Variants in MAP2 observed in about 807,000 individuals in gnomAD.
MAP2 encodes microtubule associated protein 2.
In MAP2, 14 loss-of-function variants were observed where a neutral mutation model predicts 137.6. That is an observed-to-expected ratio of 0.10 (90% CI 0.07 to 0.16). The LOEUF (loss-of-function observed/expected upper bound fraction) is 0.16. MAP2 is among the 10% of genes least tolerant of loss of function. The pLI is 1.00. For missense variants in MAP2, 2,088 were observed against 2,191.5 expected (o/e 0.95, Z 0.94); for synonymous variants, 786 against 782.3 (o/e 1.00, Z -0.08).
At chr2:209,622,160 A>T (rs1159873256) in intron 3 of MAP2, among the ~76,000 whole-genome samples, 1 of 152,220 alleles carries the variant, frequency 6.6e-6, no homozygotes, top group African/African-American at 2.4e-5. Context: ...TAATGGAATG[A>T]TATAATGGGA....
At chr2:209,605,445 T>A (rs1181802343) in intron 3 of MAP2, among the ~76,000 whole-genome samples, 1 of 152,126 alleles carries the variant, frequency 6.6e-6, no homozygotes, top group Admixed American at 6.6e-5. Context: ...TAAAGTTAGA[T>A]CTTATAAAAA....
At chr2:209,604,302 C>A (rs780819066) in intron 3 of MAP2, among the ~76,000 whole-genome samples, 7 of 152,164 alleles carry the variant, frequency 4.6e-5, no homozygotes, top group Non-Finnish European at 7.4e-5. Flanking sequence ...AAATCCTTGT[C>A]TTAATCTGCA....
At chr2:209,542,417 C>T (rs1185698113) in intron 2 of MAP2, among the ~76,000 whole-genome samples, 1 of 152,198 alleles carries the variant, frequency 6.6e-6, no homozygotes, top group Non-Finnish European at 1.5e-5. Context: ...TAAATGAGCG[C>T]TGACTTCAAT....
intron 3 of MAP2, among the ~76,000 whole-genome samples, chr2:209,608,936 C>G (rs2085771973): frequency 6.6e-6 from 1 of 152,028 alleles, no homozygotes; most frequent in Non-Finnish European, 1.5e-5. Context: ...CAAAGCTCAT[C>G]TTAAATACCA....
intron 3 of MAP2, among the ~76,000 whole-genome samples, chr2:209,605,603 T>TA (rs1367063116): frequency 1.3e-5 from 2 of 152,186 alleles, no homozygotes; most frequent in African/African-American, 4.8e-5. Context: ...CAACATCCTT[T>TA]ATGCCACCTT....
chr2:209,618,907 A>G (rs2090336831), intron 3 of MAP2, among the ~76,000 whole-genome samples: 2 of 152,342 alleles, frequency 1.3e-5, no homozygotes, highest in Non-Finnish European at 1.5e-5. Context: ...GAATGGATCA[A>G]TAAAATATGG....
At chr2:209,719,541 T>C (rs1304625274) in intron 13 of MAP2, among the ~76,000 whole-genome samples, 1 of 152,194 alleles carries the variant, frequency 6.6e-6, no homozygotes, top group African/African-American at 2.4e-5. Flanking sequence ...TCTGCAGGCA[T>C]ATCCTGCATT....
At chr2:209,729,826 A>G in intron 14 of MAP2, 24 bp from the exon 15 acceptor site, 1 of 1,495,820 alleles carries the variant, frequency 6.7e-7, no homozygotes, top group East Asian at 2.3e-5. Flanking sequence ...ATATAGTTAA[A>G]TCAAGGTATT....
intron 1 of MAP2, among the ~76,000 whole-genome samples, chr2:209,467,833 T>A (rs1704537896): frequency 6.6e-6 from 1 of 152,198 alleles, no homozygotes; most frequent in African/African-American, 2.4e-5. Flanking sequence ...CCTCAGTTTC[T>A]GCATTTTTAA....
intron 2 of MAP2, among the ~76,000 whole-genome samples, chr2:209,511,678 C>A (rs2150263788): frequency 6.6e-6 from 1 of 152,076 alleles, no homozygotes; most frequent in Middle Eastern, 3.4e-3. Flanking sequence ...TCAAGTTGTC[C>A]TCTCATCTCA....
At chr2:209,647,301 G>A (rs374698865) in intron 4 of MAP2, among the ~76,000 whole-genome samples, 8 of 152,094 alleles carry the variant, frequency 5.3e-5, no homozygotes, top group African/African-American at 1.9e-4. Context: ...CACAGATCCA[G>A]ACCATATCAC....
chr2:209,515,746 C>T (rs1034752218), intron 2 of MAP2, among the ~76,000 whole-genome samples: 5 of 151,952 alleles, frequency 3.3e-5, no homozygotes, highest in Non-Finnish European at 7.4e-5. Flanking sequence ...TTTTATGAAT[C>T]GAGAAACTTA....
intron 2 of MAP2, among the ~76,000 whole-genome samples, chr2:209,555,241 A>G (rs112838156): frequency 0.02 from 2,994 of 152,190 alleles, 94 homozygotes; most frequent in African/African-American, 0.068. Flanking sequence ...TCAACTATGG[A>G]GGTTTATTTG....
rs891372907 is a variant in MAP2 at position 209,574,668 on chromosome 2, T to G, written c.-171-5368T>G. Among the ~76,000 whole-genome samples, 10 of 152,346 alleles carry G rather than the reference T, an allele frequency of 6.6e-5. No homozygotes were observed. The East Asian group carries it at 1.9e-3, about 29-fold the overall frequency. Reference sequence around the variant, plus strand: ...GGCATTTTGTAGGTAAAAAGTAATATAATTTTATCATTTTGTATATCTAAG... The same window carrying G: ...GGCATTTTGTAGGTAAAAAGTAATAGAATTTTATCATTTTGTATATCTAAG... On this transcript the variant is annotated intron_variant, in intron 2 of 15. Coordinates refer to ENST00000682079, the MANE Select transcript of MAP2 (RefSeq NM_001375505.1).
intron 1 of MAP2, among the ~76,000 whole-genome samples, chr2:209,482,345 C>A (rs2123699): frequency 2.6e-5 from 4 of 151,898 alleles, no homozygotes; most frequent in Non-Finnish European, 5.9e-5. Flanking sequence ...AAAAAACTCA[C>A]AGTCATCATG....
intron 7 of MAP2, among the ~76,000 whole-genome samples, chr2:209,684,827 T>C (rs1268586178): frequency 2.6e-5 from 4 of 152,176 alleles, no homozygotes; most frequent in Non-Finnish European, 5.9e-5. Flanking sequence ...AAAGGATGCA[T>C]GCATTCAATC....
chr2:209,560,953 G>T (rs967268408), intron 2 of MAP2, among the ~76,000 whole-genome samples: 7 of 152,124 alleles, frequency 4.6e-5, no homozygotes, highest in Non-Finnish European at 8.8e-5. Context: ...GTAAATAGAT[G>T]ATGCTTAGCA....
At chr2:209,613,471 C>G (rs530331774) in intron 3 of MAP2, among the ~76,000 whole-genome samples, 1 of 152,102 alleles carries the variant, frequency 6.6e-6, no homozygotes, top group Admixed American at 6.6e-5. Context: ...TTCCTTAGAG[C>G]CAAAGCCCCT....
At chr2:209,623,204 C>T (rs1248947519) in intron 3 of MAP2, among the ~76,000 whole-genome samples, 1 of 152,104 alleles carries the variant, frequency 6.6e-6, no homozygotes, top group Non-Finnish European at 1.5e-5. Context: ...TCATTCAAGT[C>T]TGGCATTATG....
Sources: allele counts gnomAD v4.1 joint callset (sites outside exome capture counted in the v4.1 genomes callset), GRCh38; gene constraint gnomAD v4.1.1; transcripts MANE v1.5; gene names NCBI Gene and HGNC (gene_info 2026-07-23, HGNC 2026-07-21).